The following SPECC1L variants were observed in gnomAD, a reference collection of about 807,000 sequenced individuals.
SPECC1L encodes sperm antigen with calponin homology and coiled-coil domains 1 like.
A neutral mutation model predicts 116.8 loss-of-function variants in SPECC1L; 40 were observed. The ratio of observed to expected loss-of-function variants is 0.34; its 90% CI spans 0.27 to 0.45. The LOEUF (loss-of-function observed/expected upper bound fraction) is 0.45. Among genes scored for constraint, SPECC1L ranks in the 20% least tolerant of loss-of-function variants. SPECC1L has a pLI of 1.00. For missense variants in SPECC1L, 1,110 were observed against 1,373.6 expected (o/e 0.81, Z 3.03); for synonymous variants, 504 against 500.6 (o/e 1.01, Z -0.09).
intron 14 of SPECC1L, among the ~76,000 whole-genome samples, chr22:24,402,971 A>G (rs2042509366): frequency 6.6e-6 from 1 of 152,184 alleles, no homozygotes; most frequent in African/African-American, 2.4e-5. Flanking sequence ...GCAGGGTCAC[A>G]TCTACAGTTG....
intron 3 of SPECC1L, among the ~76,000 whole-genome samples, chr22:24,308,942 G>A (rs759370165): frequency 1.5e-4 from 23 of 152,246 alleles, no homozygotes; most frequent in Middle Eastern, 3.4e-3. Context: ...AGCCCATCAG[G>A]CTGGTTCCTG....
intron 14 of SPECC1L, among the ~76,000 whole-genome samples, chr22:24,404,377 G>T (rs943290315): frequency 6.6e-6 from 1 of 152,108 alleles, no homozygotes; most frequent in African/African-American, 2.4e-5. Flanking sequence ...GTATCTCCAA[G>T]GTATCTTGAA....
chr22:24,291,616 G>A (rs12160437), intron 2 of SPECC1L, among the ~76,000 whole-genome samples: 15 of 151,816 alleles, frequency 9.9e-5, no homozygotes, highest in African/African-American at 3.1e-4. Flanking sequence ...TCATACATGG[G>A]GCATGCAATA....
At chr22:24,357,372 G>A (rs1175554515) in intron 11 of SPECC1L, among the ~76,000 whole-genome samples, 1 of 152,106 alleles carries the variant, frequency 6.6e-6, no homozygotes, top group Non-Finnish European at 1.5e-5. Flanking sequence ...ACTAGCCTGA[G>A]CAACATAGTG....
At chr22:24,275,132 C>G (rs574727252) in intron 1 of SPECC1L, among the ~76,000 whole-genome samples, 40 of 152,380 alleles carry the variant, frequency 2.6e-4, no homozygotes, top group African/African-American at 8.9e-4. Flanking sequence ...GTCTGGCACC[C>G]TGTGCATTTG....
At position 24,327,277 on chromosome 22, in the gene SPECC1L, CAAAAAAAAA is replaced by C. The variant is rs58725731; in HGVS notation, c.2147-1552_2147-1544del. ...TGGGCAACAGATTGAGACTCCGTCT[CAAAAAAAAA>C]AAAAAAAAAAAAAAAACATCAGAAC... On this transcript the variant is annotated intron_variant, in intron 6 of 16. Transcript: ENST00000314328. Among the ~76,000 whole-genome samples, 46 of 41,980 alleles carry C rather than the reference CAAAAAAAAA, an allele frequency of 1.1e-3. 2 individuals carry two copies. The South Asian group carries it at 0.042, about 38-fold the overall frequency. The allele number at this position is 41,980 out of a possible 152,430, so 27.5% of individuals were successfully genotyped here.
intron 11 of SPECC1L, among the ~76,000 whole-genome samples, chr22:24,353,451 TGTTTTTTGA>T (rs943009945): frequency 7.2e-5 from 11 of 152,206 alleles, no homozygotes; most frequent in Non-Finnish European, 1.6e-4. Context: ...TTGTTTGTTT[TGTTTTTTGA>T]GTTTTTTGAG....
chr22:24,347,463 A>T (rs1385932319), intron 11 of SPECC1L, among the ~76,000 whole-genome samples: 1 of 152,194 alleles, frequency 6.6e-6, no homozygotes, highest in Non-Finnish European at 1.5e-5. Context: ...TGTCATCCTC[A>T]TTTTATAGAT....
At position 24,369,334 on chromosome 22, in the gene SPECC1L, T is replaced by C. The variant is rs2041830426; in HGVS notation, c.3087+14T>C. Reference sequence around the variant, plus strand: ...GAAGGCTATCAGGTAATCATATGATTCTTTTGTCCCATGTGAGTAATTGGC... The same window carrying C: ...GAAGGCTATCAGGTAATCATATGATCCTTTTGTCCCATGTGAGTAATTGGC... On this transcript the variant is annotated intron_variant, in intron 14 of 16. Coordinates refer to ENST00000314328, the MANE Select transcript of SPECC1L (RefSeq NM_015330.6). 6.3e-7 allele frequency: 1 copy of C among 1,596,654 alleles called. No homozygotes were observed. Among genetic ancestry groups the C allele is most frequent in the African/African-American group, 1.3e-5 (1 of 74,574 alleles).
At chr22:24,320,875 T>C (rs1367164086) in intron 4 of SPECC1L, among the ~76,000 whole-genome samples, 1 of 152,204 alleles carries the variant, frequency 6.6e-6, no homozygotes, top group Non-Finnish European at 1.5e-5. Context: ...ACTATCTGTG[T>C]ACAGTTAGTT....
At chr22:24,302,056 A>T in intron 2 of SPECC1L, 139 bp from the exon 3 acceptor site, 1 of 689,694 alleles carries the variant, frequency 1.4e-6, no homozygotes, top group Non-Finnish European at 2.4e-6. Context: ...AAAAAAAAAA[A>T]AAAATTTTTT....
intron 14 of SPECC1L, among the ~76,000 whole-genome samples, chr22:24,392,120 G>A (rs2042285257): frequency 6.6e-6 from 1 of 152,180 alleles, no homozygotes; most frequent in Non-Finnish European, 1.5e-5. Flanking sequence ...GGCTCTCCAA[G>A]CTCCCAGCCC....
chr22:24,293,277 AAC>A (rs2049190761), intron 2 of SPECC1L, among the ~76,000 whole-genome samples: 1 of 152,120 alleles, frequency 6.6e-6, no homozygotes, highest in Non-Finnish European at 1.5e-5. Context: ...AACATAGTTA[AAC>A]CCGTCTCTAC....
At chr22:24,411,264 T>A (rs967795365) in intron 14 of SPECC1L, among the ~76,000 whole-genome samples, 2 of 152,164 alleles carry the variant, frequency 1.3e-5, no homozygotes, top group Non-Finnish European at 2.9e-5. Flanking sequence ...TGGTCTGTAC[T>A]GTCACCCCAA....
intron 11 of SPECC1L, among the ~76,000 whole-genome samples, chr22:24,357,584 G>A (rs570963808): frequency 6.6e-6 from 1 of 152,272 alleles, no homozygotes; most frequent in African/African-American, 2.4e-5. Context: ...TACATGGATA[G>A]TAGTTGATTT....
At chr22:24,323,774 G>T (rs556206381) in intron 5 of SPECC1L, among the ~76,000 whole-genome samples, 50 of 152,208 alleles carry the variant, frequency 3.3e-4, no homozygotes, top group Non-Finnish European at 6.5e-4. Flanking sequence ...GCACATACAT[G>T]TTGAGAGGCT....
chr22:24,281,514 A>C (rs941425922), intron 2 of SPECC1L, among the ~76,000 whole-genome samples: 1 of 152,168 alleles, frequency 6.6e-6, no homozygotes, highest in Non-Finnish European at 1.5e-5. Flanking sequence ...TCAGTGTACA[A>C]ATCTTTCCAG....
chr22:24,414,890 C>T lies in SPECC1L; in HGVS notation c.*267C>T, dbSNP rs1601379945. The T allele has an allele frequency of 2.0e-6, 1 of 510,040 alleles. No homozygotes were observed. The highest frequency in any genetic ancestry group is 3.2e-5 in the Admixed American group (1 of 31,042). The allele number at this position is 510,040 out of a possible 1,614,324, so 31.6% of individuals were successfully genotyped here. On this transcript the variant is annotated 3_prime_UTR_variant, in exon 17 of 17. Coordinates refer to ENST00000314328, the MANE Select transcript of SPECC1L (RefSeq NM_015330.6). Reference sequence around the variant, plus strand: ...GCAGGCCGGTGGCTGCTGGAGTTTTCCTTCTGAAGAGAATATTGAACTACA... The same window carrying T: ...GCAGGCCGGTGGCTGCTGGAGTTTTTCTTCTGAAGAGAATATTGAACTACA...
chr22:24,379,154 G>A (rs756710008), intron 14 of SPECC1L, among the ~76,000 whole-genome samples: 1 of 151,862 alleles, frequency 6.6e-6, no homozygotes, highest in African/African-American at 2.4e-5. Flanking sequence ...TTGAAGGATC[G>A]CTTGTGATTA....
Sources: allele counts gnomAD v4.1 joint callset (sites outside exome capture counted in the v4.1 genomes callset), GRCh38; gene constraint gnomAD v4.1.1; transcripts MANE v1.5; gene names NCBI Gene and HGNC (gene_info 2026-07-23, HGNC 2026-07-21).